Variants in SLC25A25 observed in about 807,000 individuals in gnomAD.
SLC25A25 encodes solute carrier family 25 member 25.
A neutral mutation model predicts 57.7 loss-of-function variants in SLC25A25; 32 were observed. That is an observed-to-expected ratio of 0.55 (90% CI 0.42 to 0.74). The LOEUF is 0.74. Among genes scored for constraint, SLC25A25 ranks in the 30% least tolerant of loss-of-function variants. The probability of loss-of-function intolerance (pLI) is 0.00; values close to 1 mark genes in which losing one functional copy is unlikely to be tolerated. For synonymous variants in SLC25A25, 306 were observed against 291.2 expected (o/e 1.05, Z -0.52); for missense variants, 556 against 701.3 (o/e 0.79, Z 2.34).
In SLC25A25 at chr9:128,107,769, T is replaced by A. The variant is rs1234601432; in HGVS notation, c.*325T>A. 1 of 406,160 alleles carries A rather than the reference T, an allele frequency of 2.5e-6. No individual in the cohort carries two copies. The highest frequency in any genetic ancestry group is 4.3e-6 in the Non-Finnish European group (1 of 230,408). The allele number at this position is 406,160 out of a possible 1,614,324, so 25.2% of individuals were successfully genotyped here. ...CGAGCTTGGAGCCTGGAGGCCGGCT[T>A]AGTTCTTCCATTTCACCCTTGCAGC... On this transcript the variant is annotated 3_prime_UTR_variant, in exon 11 of 11. Transcript: ENST00000373069.
At chr9:128,105,950 C>T (rs1834013391) in intron 7 of SLC25A25, 69 bp downstream of exon 7, 2 of 1,581,476 alleles carry the variant, frequency 1.3e-6, no homozygotes, top group African/African-American at 1.3e-5. Context: ...GCTGGCTTTC[C>T]CTGGGCTGAG....
chr9:128,072,925 C>G (rs1304202227), intron 1 of SLC25A25, among the ~76,000 whole-genome samples: 1 of 152,188 alleles, frequency 6.6e-6, no homozygotes, highest in African/African-American at 2.4e-5. Flanking sequence ...AGTTGTCTCT[C>G]CAGCTGAGGC....
Position 128,095,897 on chromosome 9 carries a change from A to G in SLC25A25, c.262-5199A>G, listed in dbSNP as rs1053855124. ...ATCTCAGATTTCTTTTGTTAAATAC[A>G]TTATAAAACTCAATGGTACAGTAAT... On this transcript the variant is annotated intron_variant, in intron 1 of 10. Coordinates refer to ENST00000373069, the MANE Select transcript of SLC25A25 (RefSeq NM_001330988.2). The surrounding 1 kb of genome is among the most constrained non-coding windows in gnomAD (Gnocchi z 4.4). Among the ~76,000 whole-genome samples the G allele has an allele frequency of 1.3e-5, 2 of 152,234 alleles. No individual in the cohort carries two copies. The highest frequency in any genetic ancestry group is 4.8e-5 in the African/African-American group (2 of 41,458).
chr9:128,070,387 C>T (rs1296102223), intron 1 of SLC25A25, among the ~76,000 whole-genome samples: 5 of 151,380 alleles, frequency 3.3e-5, no homozygotes, highest in East Asian at 2.0e-4. Flanking sequence ...CATGAGCCAC[C>T]GCGCCCGGCC....
intron 1 of SLC25A25, among the ~76,000 whole-genome samples, chr9:128,076,143 A>G (rs1291457289): frequency 6.6e-6 from 1 of 151,930 alleles, no homozygotes; most frequent in Non-Finnish European, 1.5e-5. Flanking sequence ...TTATTTATTT[A>G]TTATTTGAAA....
chr9:128,098,614 C>A, intron 1 of SLC25A25: 3 of 1,614,090 alleles, frequency 1.9e-6, no homozygotes, highest in Non-Finnish European at 2.5e-6. Context: ...AAGCCCAGAC[C>A]GAGTTCCAGT....
In SLC25A25 at chr9:128,103,883, A is replaced by C; in HGVS notation, c.783+44A>C. Reference sequence around the variant, plus strand: ...CCAGACCCCTGGGGGGCCAGTTTCCACCTGGGGGATGCTGCTTGGCTAGTT... The same window carrying C: ...CCAGACCCCTGGGGGGCCAGTTTCCCCCTGGGGGATGCTGCTTGGCTAGTT... On this transcript the variant is annotated intron_variant, in intron 6 of 10. Coordinates refer to ENST00000373069, the MANE Select transcript of SLC25A25 (RefSeq NM_001330988.2). This position sits in a 1 kb window ranked among gnomAD's most constrained non-coding sequence, Gnocchi z 6.7. 1 of 1,488,140 alleles carries C rather than the reference A, an allele frequency of 6.7e-7. No homozygotes were observed. The highest frequency in any genetic ancestry group is 8.9e-7 in the Non-Finnish European group (1 of 1,120,270). 92.2% of individuals were successfully genotyped at this position (1,488,140 alleles called of 1,614,324 possible).
At chr9:128,075,005 G>A (rs970352310) in intron 1 of SLC25A25, among the ~76,000 whole-genome samples, 4 of 152,088 alleles carry the variant, frequency 2.6e-5, no homozygotes, top group African/African-American at 7.2e-5. Flanking sequence ...GCATGGTGGC[G>A]TATGCCTTTC....
intron 1 of SLC25A25, among the ~76,000 whole-genome samples, chr9:128,088,480 C>G (rs1385038942): frequency 6.6e-6 from 1 of 152,200 alleles, no homozygotes; most frequent in African/African-American, 2.4e-5. Context: ...CCTCCCCAGC[C>G]TCTCAGCCCC....
intron 1 of SLC25A25, among the ~76,000 whole-genome samples, chr9:128,083,513 CT>C (rs1315501906): frequency 2.8e-4 from 33 of 117,466 alleles, no homozygotes; most frequent in Middle Eastern, 5.3e-3. Context: ...TTTCTTTTTT[CT>C]TTTTTTTTTT....
In SLC25A25 at chr9:128,099,101, G is replaced by A. The variant is rs1833681193; in HGVS notation, c.262-1995G>A. ...CCAGGAGTTGAGGGTGCTGCGTGGT[G>A]GAGCTGCCCGTCCCTGGTGTGGGGG... On this transcript the variant is annotated intron_variant, in intron 1 of 10. Transcript: ENST00000373069. The surrounding 1 kb of genome is among the most constrained non-coding windows in gnomAD (Gnocchi z 6.8). 4.1e-6 allele frequency: 4 copies of A among 985,242 alleles called. No homozygotes were observed. The highest frequency in any genetic ancestry group is 4.8e-6 in the Non-Finnish European group (4 of 829,914). 61.0% of individuals were successfully genotyped at this position (985,242 alleles called of 1,614,324 possible).
intron 1 of SLC25A25, among the ~76,000 whole-genome samples, chr9:128,093,258 T>G (rs7873492): frequency 0.79 from 119,962 of 152,156 alleles, 47,971 homozygotes; most frequent in East Asian, 0.87. Context: ...TGAGATGTCT[T>G]TGCTTAATAT....
In SLC25A25 at chr9:128,107,500, G is replaced by A. The variant is rs1485863697; in HGVS notation, c.*56G>A. ...CTGATCCTGGGCCGCAGCCTGGGGT[G>A]TGCAGCCATCTCATTCTGTGAATGT... On this transcript the variant is annotated 3_prime_UTR_variant, in exon 11 of 11. Transcript: ENST00000373069. 27 of 1,488,252 alleles carry A rather than the reference G, an allele frequency of 1.8e-5. No homozygotes were observed. The highest frequency in any genetic ancestry group is 2.3e-5 in the Non-Finnish European group (26 of 1,116,784). The allele number at this position is 1,488,252 out of a possible 1,614,324, so 92.2% of individuals were successfully genotyped here.
At chr9:128,100,918 C>G in intron 1 of SLC25A25, 178 bp from the exon 2 acceptor site, 1 of 781,096 alleles carries the variant, frequency 1.3e-6, no homozygotes, top group South Asian at 1.9e-5. Context: ...TAGGTGGTGG[C>G]TCTGGCATGT....
chr9:128,093,805 C>A (rs1257428077), intron 1 of SLC25A25, among the ~76,000 whole-genome samples: 5 of 152,220 alleles, frequency 3.3e-5, no homozygotes, highest in Non-Finnish European at 7.3e-5. Context: ...TGGGGCTGGC[C>A]TCACCAAATC....
In SLC25A25 at chr9:128,088,814, A is replaced by G. The variant is rs1316579795; in HGVS notation, c.262-12282A>G. On this transcript the variant is annotated intron_variant, in intron 1 of 10. Coordinates refer to ENST00000373069, the MANE Select transcript of SLC25A25 (RefSeq NM_001330988.2). Reference sequence around the variant, plus strand: ...GCATTAAATCAAAAAGCGGTAATCTACTAAATAAGGGATTTCTCTTATGTG... The same window carrying G: ...GCATTAAATCAAAAAGCGGTAATCTGCTAAATAAGGGATTTCTCTTATGTG... 3.3e-5 allele frequency among the ~76,000 whole-genome samples: 5 copies of G among 152,214 alleles called. No individual in the cohort carries two copies. The East Asian group carries it at 7.7e-4, about 23-fold the overall frequency.
intron 1 of SLC25A25, chr9:128,092,182 T>A: frequency 6.8e-7 from 1 of 1,479,358 alleles, no homozygotes; most frequent in Non-Finnish European, 9.1e-7. Context: ...AAGGGAGAAC[T>A]CACAACGTTA....
intron 1 of SLC25A25, among the ~76,000 whole-genome samples, chr9:128,093,841 G>A (rs955063121): frequency 1.3e-5 from 2 of 152,174 alleles, no homozygotes; most frequent in African/African-American, 4.8e-5. Context: ...AGAATGTTCT[G>A]GAAACATTTT....
intron 1 of SLC25A25, among the ~76,000 whole-genome samples, chr9:128,097,264 G>T (rs915906715): frequency 6.6e-6 from 1 of 152,192 alleles, no homozygotes; most frequent in Non-Finnish European, 1.5e-5. Flanking sequence ...TGTGGGGAAG[G>T]AATGAGTGGA....
Sources: allele counts gnomAD v4.1 joint callset (sites outside exome capture counted in the v4.1 genomes callset), GRCh38; gene constraint gnomAD v4.1.1; non-coding constraint Gnocchi (gnomAD v3.1); transcripts MANE v1.5; gene names NCBI Gene and HGNC (gene_info 2026-07-23, HGNC 2026-07-21).